Variants in AFTPH observed in about 807,000 individuals in gnomAD.
AFTPH encodes the protein aftiphilin protein.
A neutral mutation model predicts 72.5 loss-of-function variants in AFTPH; 7 were observed. The ratio of observed to expected loss-of-function variants is 0.10; its 90% CI spans 0.05 to 0.18. The LOEUF (loss-of-function observed/expected upper bound fraction) is 0.18, where lower values mean the gene tolerates loss of function less well. Among genes scored for constraint, AFTPH ranks in the 10% least tolerant of loss-of-function variants. The pLI is 1.00. For synonymous variants in AFTPH, 337 were observed against 370.1 expected, an observed-to-expected ratio of 0.91 and a Z score of 1.03; for missense variants, 979 against 1,060.5, an observed-to-expected ratio of 0.92 and a Z score of 1.07.
intron 1 of AFTPH, among the ~76,000 whole-genome samples, chr2:64,527,495 G>A (rs145469924): frequency 0.018 from 2,722 of 151,794 alleles, 70 homozygotes; most frequent in East Asian, 0.11. Flanking sequence ...CAGGGGAATC[G>A]CTTGAACCCG....
At chr2:64,576,118 C>T (rs13414023) in intron 6 of AFTPH, among the ~76,000 whole-genome samples, 9,036 of 136,528 alleles carry the variant, frequency 0.066, 356 homozygotes, top group Non-Finnish European at 0.087. Flanking sequence ...CACACACACA[C>T]GTGTGTCATA....
chr2:64,584,488 A>AAAG (rs1673384256), intron 7 of AFTPH, among the ~76,000 whole-genome samples: 1 of 152,180 alleles, frequency 6.6e-6, no homozygotes, highest in Admixed American at 6.5e-5. Flanking sequence ...ATTTTGTTCA[A>AAAG]AAGTAGTACT....
chr2:64,552,250 T>G, exon 2 of AFTPH: 6 of 1,614,008 alleles, frequency 3.7e-6, no homozygotes, highest in Non-Finnish European at 5.1e-6. Context: ...AGAGAAGCAC[T>G]AACCATTCGG....
At chr2:64,567,872 C>T (rs1450223324) in intron 3 of AFTPH, among the ~76,000 whole-genome samples, 159 bp downstream of exon 3, 1 of 149,656 alleles carries the variant, frequency 6.7e-6, no homozygotes. Context: ...GAAACCCTGT[C>T]TCTACTAAAA....
At chr2:64,569,019 A>G (rs1672259228) in intron 3 of AFTPH, 73 bp from the exon 4 acceptor site, 1 of 1,532,244 alleles carries the variant, frequency 6.5e-7, no homozygotes, top group African/African-American at 1.4e-5. Context: ...TGTCACAGCC[A>G]TATTATAAGT....
At chr2:64,566,875 C>A (rs1298506720) in intron 2 of AFTPH, among the ~76,000 whole-genome samples, 2 of 151,158 alleles carry the variant, frequency 1.3e-5, no homozygotes, top group Non-Finnish European at 2.9e-5. Flanking sequence ...GTATTCTATT[C>A]AAAAATATAC....
At chr2:64,573,740 C>T (rs1247068908) in intron 6 of AFTPH, among the ~76,000 whole-genome samples, 2 of 151,998 alleles carry the variant, frequency 1.3e-5, no homozygotes, top group Non-Finnish European at 2.9e-5. Flanking sequence ...TCACTATAAC[C>T]TCTGCCTCCT....
intron 3 of AFTPH, among the ~76,000 whole-genome samples, chr2:64,568,490 A>G (rs1254478754): frequency 6.6e-6 from 1 of 152,212 alleles, no homozygotes; most frequent in Non-Finnish European, 1.5e-5. Flanking sequence ...CTTAGATCCC[A>G]TTTTGGTGGA....
At chr2:64,551,953 A>G (rs547170833) in exon 2 of AFTPH, 2 of 1,613,616 alleles carry the variant, frequency 1.2e-6, no homozygotes, top group South Asian at 1.1e-5. Flanking sequence ...ACTAATATGA[A>G]TGTTGTTCAT....
At chr2:64,536,742 C>T (rs778552584) in intron 1 of AFTPH, among the ~76,000 whole-genome samples, 3 of 150,716 alleles carry the variant, frequency 2.0e-5, no homozygotes, top group Non-Finnish European at 4.4e-5. Flanking sequence ...TGCTTGAGCT[C>T]AGGAGGTTGA....
intron 2 of AFTPH, among the ~76,000 whole-genome samples, chr2:64,563,962 A>G (rs768979053): frequency 1.3e-5 from 2 of 152,220 alleles, no homozygotes; most frequent in African/African-American, 2.4e-5. Flanking sequence ...GTGTTTCATA[A>G]TGCAATCAAG....
chr2:64,563,893 A>C (rs1176558762), intron 2 of AFTPH, among the ~76,000 whole-genome samples: 3 of 152,222 alleles, frequency 2.0e-5, no homozygotes, highest in African/African-American at 4.8e-5. Flanking sequence ...GGCATGAGCC[A>C]CCGCGCCCAG....
chr2:64,531,061 CAA>C (rs370897333), intron 1 of AFTPH, among the ~76,000 whole-genome samples: 44 of 71,492 alleles, frequency 6.2e-4, no homozygotes, highest in African/African-American at 1.9e-3. Context: ...GACTTCATCT[CAA>C]AAAAAAAAAA....
chr2:64,529,809 G>T lies in AFTPH; in HGVS notation c.-33+5197G>T, dbSNP rs540826527. Among the ~76,000 whole-genome samples the T allele has an allele frequency of 1.0e-3, 156 of 151,988 alleles. 1 individual carries two copies. Among genetic ancestry groups the T allele is most frequent in the Middle Eastern group, 6.8e-3 (2 of 294 alleles). On this transcript the variant is annotated intron_variant, in intron 1 of 8. Coordinates refer to ENST00000238856, the Ensembl canonical transcript of AFTPH. ...CATGCCTGGCTAATTGTTTTTATTA[G>T]TAGTAGAGACAGGGCCTTGTTATGT...
intron 1 of AFTPH, among the ~76,000 whole-genome samples, chr2:64,550,405 C>T (rs1670956134): frequency 6.6e-6 from 1 of 152,056 alleles, no homozygotes; most frequent in African/African-American, 2.4e-5. Flanking sequence ...ACAAATGCAG[C>T]AACATGGATA....
chr2:64,576,114 CACACGT>C (rs1423868460), intron 6 of AFTPH, among the ~76,000 whole-genome samples: 64 of 117,650 alleles, frequency 5.4e-4, no homozygotes, highest in African/African-American at 2.4e-3. Flanking sequence ...CACACACACA[CACACGT>C]GTGTCATACA....
chr2:64,557,105 C>T (rs1018784839), intron 2 of AFTPH, among the ~76,000 whole-genome samples: 9 of 151,850 alleles, frequency 5.9e-5, no homozygotes, highest in Non-Finnish European at 8.8e-5. Context: ...CCTGGGAAGC[C>T]AGGAAATTTT....
At chr2:64,569,989 C>G (rs901245527) in intron 5 of AFTPH, among the ~76,000 whole-genome samples, 2 of 152,040 alleles carry the variant, frequency 1.3e-5, no homozygotes, top group Admixed American at 6.5e-5. Context: ...AAAGAAAAAG[C>G]TGAAGTATCA....
intron 1 of AFTPH, among the ~76,000 whole-genome samples, chr2:64,534,903 A>C (rs1317460502): frequency 6.6e-6 from 1 of 152,188 alleles, no homozygotes; most frequent in Non-Finnish European, 1.5e-5. Context: ...GCTGTCTCAA[A>C]TACTTATGTG....
Sources: gnomAD v4.1 joint callset for allele counts (sites outside exome capture counted in the v4.1 genomes callset) on GRCh38, gnomAD v4.1.1 for gene constraint, MANE v1.5 for transcripts, NCBI Gene and HGNC (gene_info 2026-07-23, HGNC 2026-07-21) for gene names.